NKAIN2: variants seen among roughly 807,000 people sequenced by gnomAD.
NKAIN2 encodes sodium/potassium-transporting ATPase subunit beta-1-interacting protein 2.
Under a neutral mutation model 32.6 loss-of-function variants are expected in NKAIN2, and 14 were observed. The observed-to-expected ratio is 0.43, with a 90% CI of 0.28 to 0.67. NKAIN2 has a LOEUF of 0.67. Among genes scored for constraint, NKAIN2 ranks in the 30% least tolerant of loss-of-function variants. NKAIN2 has a pLI of 0.17. For synonymous variants in NKAIN2, 80 were observed against 87.2 expected (o/e 0.92, Z 0.46); for missense variants, 198 against 258.3 (o/e 0.77, Z 1.60).
rs535696922 is a variant in NKAIN2, at chr6:124,606,959, C to T, written c.274-51227C>T. Reference sequence around the variant, plus strand: ...GATTAATAACTTTCTAAGCAGATGGCTCAGTAAGGTCATTCATCAATGTGA... The same window carrying T: ...GATTAATAACTTTCTAAGCAGATGGTTCAGTAAGGTCATTCATCAATGTGA... On this transcript the variant is annotated intron_variant, in intron 3 of 6. Transcript: ENST00000368417. Among the ~76,000 whole-genome samples, 10 of 152,188 alleles carry T rather than the reference C, an allele frequency of 6.6e-5. No homozygotes were observed. The East Asian group carries it at 1.4e-3, about 21-fold the overall frequency.
chr6:124,483,348 C>G (rs1440812189), intron 3 of NKAIN2, among the ~76,000 whole-genome samples: 1 of 152,066 alleles, frequency 6.6e-6, no homozygotes, highest in Non-Finnish European at 1.5e-5. Context: ...AAGAGATAAT[C>G]ACATCCAAAA....
At chr6:124,578,482 T>C (rs2114933868) in intron 3 of NKAIN2, among the ~76,000 whole-genome samples, 1 of 152,034 alleles carries the variant, frequency 6.6e-6, no homozygotes, top group East Asian at 2.0e-4. Context: ...GAGAGACTCC[T>C]CTGCTTGTGG....
chr6:124,679,522 G>C (rs967518781), intron 4 of NKAIN2, among the ~76,000 whole-genome samples: 2 of 152,112 alleles, frequency 1.3e-5, no homozygotes, highest in South Asian at 4.1e-4. Flanking sequence ...GAGTGCCATC[G>C]ATTTTTCTGG....
At chr6:124,729,827 A>T (rs1365094553) in intron 4 of NKAIN2, among the ~76,000 whole-genome samples, 1 of 151,986 alleles carries the variant, frequency 6.6e-6, no homozygotes, top group African/African-American at 2.4e-5. Context: ...CTCAGCCTAA[A>T]ATCTCCTTAA....
At chr6:124,221,569 A>AG (rs1197687475) in intron 1 of NKAIN2, among the ~76,000 whole-genome samples, 5 of 151,936 alleles carry the variant, frequency 3.3e-5, no homozygotes, top group African/African-American at 7.3e-5. Context: ...TAAGAGAGAG[A>AG]AAAAAAAGAA....
chr6:124,161,470 A>C (rs116625465), intron 1 of NKAIN2, among the ~76,000 whole-genome samples: 220 of 152,252 alleles, frequency 1.4e-3, no homozygotes, highest in African/African-American at 4.9e-3. Flanking sequence ...TGTTATTATC[A>C]TATCAATAAA....
intron 1 of NKAIN2, among the ~76,000 whole-genome samples, chr6:124,200,219 G>A (rs987724306): frequency 2.0e-5 from 3 of 152,134 alleles, no homozygotes; most frequent in African/African-American, 7.2e-5. Flanking sequence ...GCCTAAGGCA[G>A]CCTATAGCTC....
intron 1 of NKAIN2, among the ~76,000 whole-genome samples, chr6:123,905,912 GTTAGT>G (rs1774843633): frequency 6.6e-6 from 1 of 152,144 alleles, no homozygotes; most frequent in African/African-American, 2.4e-5. Flanking sequence ...ACATAATAGT[GTTAGT>G]TTAGTGTGTA....
chr6:123,997,334 A>T (rs1445989319), intron 1 of NKAIN2, among the ~76,000 whole-genome samples: 1 of 152,140 alleles, frequency 6.6e-6, no homozygotes, highest in East Asian at 1.9e-4. Flanking sequence ...ATTCATTGCT[A>T]CCCGTTTATG....
chr6:124,815,518 C>T (rs1465739159), intron 5 of NKAIN2, among the ~76,000 whole-genome samples: 1 of 152,024 alleles, frequency 6.6e-6, no homozygotes, highest in African/African-American at 2.4e-5. Context: ...GACCCATCTG[C>T]CTCAGCCTCC....
intron 4 of NKAIN2, among the ~76,000 whole-genome samples, chr6:124,698,619 C>G (rs1328352937): frequency 2.6e-5 from 4 of 152,192 alleles, no homozygotes; most frequent in African/African-American, 9.6e-5. Flanking sequence ...ACTTTGCTCT[C>G]TAGAAAAGAA....
intron 1 of NKAIN2, among the ~76,000 whole-genome samples, chr6:123,954,792 C>T (rs1321490994): frequency 1.3e-5 from 2 of 152,162 alleles, no homozygotes; most frequent in African/African-American, 4.8e-5. Context: ...ACTGCCTTCT[C>T]CCTTTGCTGA....
chr6:124,511,990 A>G (rs1206650440), intron 3 of NKAIN2, among the ~76,000 whole-genome samples: 1 of 152,224 alleles, frequency 6.6e-6, no homozygotes, highest in Non-Finnish European at 1.5e-5. Context: ...GAAAAAAGCT[A>G]TAGAGGTCAA....
At chr6:124,768,823 A>T (rs1442624407) in intron 4 of NKAIN2, among the ~76,000 whole-genome samples, 1 of 152,162 alleles carries the variant, frequency 6.6e-6, no homozygotes, top group Non-Finnish European at 1.5e-5. Flanking sequence ...ATTTATACTT[A>T]GCCTGTTCCT....
intron 1 of NKAIN2, among the ~76,000 whole-genome samples, chr6:124,224,376 A>G (rs1791998883): frequency 6.6e-6 from 1 of 152,154 alleles, no homozygotes; most frequent in South Asian, 2.1e-4. Flanking sequence ...TGAATAACAT[A>G]TTGATTAACA....
chr6:124,477,115 G>A (rs763347224), intron 3 of NKAIN2, among the ~76,000 whole-genome samples: 16 of 152,000 alleles, frequency 1.1e-4, no homozygotes, highest in Non-Finnish European at 1.5e-4. Context: ...AAAATGCATC[G>A]CATCTCTTAT....
At chr6:124,812,954 A>G (rs1430212601) in intron 5 of NKAIN2, among the ~76,000 whole-genome samples, 1 of 152,086 alleles carries the variant, frequency 6.6e-6, no homozygotes, top group Non-Finnish European at 1.5e-5. Flanking sequence ...TGTCTTTCAC[A>G]TTTTCTGTTA....
intron 3 of NKAIN2, among the ~76,000 whole-genome samples, chr6:124,491,283 G>A (rs1464837908): frequency 1.3e-5 from 2 of 151,966 alleles, no homozygotes; most frequent in African/African-American, 2.4e-5. Context: ...GTATGACTCC[G>A]AGAGCTTGAG....
intron 1 of NKAIN2, among the ~76,000 whole-genome samples, chr6:124,081,895 A>G (rs904885995): frequency 7.2e-5 from 11 of 151,948 alleles, no homozygotes; most frequent in African/African-American, 2.7e-4. Context: ...CTTAGCAACA[A>G]TCATTAAATT....
Sources: gnomAD v4.1 joint callset for allele counts (sites outside exome capture counted in the v4.1 genomes callset) on GRCh38, gnomAD v4.1.1 for gene constraint, MANE v1.5 for transcripts, NCBI Gene and HGNC (gene_info 2026-07-23, HGNC 2026-07-21) for gene names.